Variants in FOCAD observed in about 807,000 individuals in gnomAD.
The protein encoded by FOCAD is focadhesin.
A neutral mutation model predicts 225.6 loss-of-function variants in FOCAD; 198 were observed. That is an observed-to-expected ratio of 0.88 (90% CI 0.78 to 0.99). The LOEUF (loss-of-function observed/expected upper bound fraction) is 0.99. FOCAD is among the 50% of genes least tolerant of loss of function. The pLI is 0.00. For missense variants in FOCAD, 2,713 were observed against 2,123.6 expected (o/e 1.28, Z -5.46); for synonymous variants, 897 against 755.0 (o/e 1.19, Z -3.08).
At chr9:20,957,093 C>T (rs538018332) in intron 35 of FOCAD, among the ~76,000 whole-genome samples, 7 of 152,282 alleles carry the variant, frequency 4.6e-5, no homozygotes, top group African/African-American at 1.7e-4. Context: ...GACAAGGTCT[C>T]GGCTCTATCA....
chr9:20,735,692 G>T (rs1033009165), intron 4 of FOCAD, among the ~76,000 whole-genome samples: 4 of 141,390 alleles, frequency 2.8e-5, no homozygotes, highest in East Asian at 4.1e-4. Flanking sequence ...ATTTTTTAAG[G>T]TTTTTTTTTT....
chr9:20,897,376 G>C (rs998281216), intron 21 of FOCAD, among the ~76,000 whole-genome samples: 6 of 150,506 alleles, frequency 4.0e-5, no homozygotes, highest in African/African-American at 1.5e-4. Context: ...AATGATTATT[G>C]ATATATTTTG....
At chr9:20,956,331 T>G (rs562013029) in intron 35 of FOCAD, among the ~76,000 whole-genome samples, 1 of 152,302 alleles carries the variant, frequency 6.6e-6, no homozygotes, top group African/African-American at 2.4e-5. Context: ...GTATTTTAAT[T>G]TAGAAATAGT....
At chr9:20,890,368 AG>A (rs1407447827) in intron 21 of FOCAD, among the ~76,000 whole-genome samples, 9 of 147,510 alleles carry the variant, frequency 6.1e-5, no homozygotes, top group African/African-American at 2.0e-4. Flanking sequence ...GATTTCTGAG[AG>A]GTTTTTTTTT....
At chr9:20,764,815 T>C in intron 6 of FOCAD, 54 bp from the exon 7 acceptor site, 1 of 1,384,578 alleles carries the variant, frequency 7.2e-7, no homozygotes, top group Non-Finnish European at 1.0e-6. Flanking sequence ...GCCACTTACC[T>C]GCTTGATAGT....
chr9:20,696,635 C>T (rs1823391455), intron 1 of FOCAD, among the ~76,000 whole-genome samples: 1 of 152,102 alleles, frequency 6.6e-6, no homozygotes, highest in South Asian at 2.1e-4. Context: ...AAAACCTCCT[C>T]TCTACTAGAA....
intron 1 of FOCAD, among the ~76,000 whole-genome samples, chr9:20,685,577 CATGAGCTT>C (rs1222310749): frequency 3.3e-5 from 5 of 152,150 alleles, no homozygotes; most frequent in Admixed American, 3.3e-4. Context: ...ATGAAGTAAT[CATGAGCTT>C]TTTAATGTTA....
chr9:20,731,089 A>T (rs1398206035), intron 4 of FOCAD, among the ~76,000 whole-genome samples: 2 of 152,060 alleles, frequency 1.3e-5, no homozygotes, highest in African/African-American at 4.8e-5. Flanking sequence ...TACAAAAAAA[A>T]TTAGCTGGGC....
chr9:20,897,462 T>C (rs1832189486), intron 21 of FOCAD, among the ~76,000 whole-genome samples: 1 of 151,688 alleles, frequency 6.6e-6, no homozygotes, highest in Admixed American at 6.6e-5. Context: ...TTTTGTATTC[T>C]TTTTTTGTCC....
At chr9:20,909,337 A>G (rs4565546) in intron 22 of FOCAD, among the ~76,000 whole-genome samples, 93,880 of 151,882 alleles carry the variant, frequency 0.62, 29,160 homozygotes, top group Admixed American at 0.68. Context: ...CAGGAACCCA[A>G]CAAGCACTAA....
chr9:20,753,364 C>T (rs1828745648), intron 5 of FOCAD, among the ~76,000 whole-genome samples: 1 of 151,634 alleles, frequency 6.6e-6, no homozygotes, highest in African/African-American at 2.4e-5. Flanking sequence ...GAGTTTTTAG[C>T]ATGAAGGGTT....
At chr9:20,836,362 T>C (rs1242395542) in intron 15 of FOCAD, among the ~76,000 whole-genome samples, 1 of 152,112 alleles carries the variant, frequency 6.6e-6, no homozygotes, top group Non-Finnish European at 1.5e-5. Context: ...GGAACCTCTT[T>C]TGTTGTTCTT....
At chr9:20,767,363 T>C (rs1007834929) in intron 7 of FOCAD, among the ~76,000 whole-genome samples, 1 of 134,220 alleles carries the variant, frequency 7.5e-6, no homozygotes, top group African/African-American at 2.7e-5. Flanking sequence ...CTGGGTCAAA[T>C]GGTATTTCTA....
chr9:20,696,393 A>T (rs1311371571), intron 1 of FOCAD, among the ~76,000 whole-genome samples: 3 of 152,198 alleles, frequency 2.0e-5, no homozygotes, highest in African/African-American at 7.2e-5. Context: ...TGTGGAAATC[A>T]TTTCACACTG....
chr9:20,866,917 T>TTTTTTTAA lies in FOCAD; in HGVS notation c.2107-12_2107-11insTTTTTTAA. The TTTTTTTAA allele has an allele frequency of 7.8e-6, 6 of 764,970 alleles. No individual in the cohort carries two copies. Among genetic ancestry groups the TTTTTTTAA allele is most frequent in the African/African-American group, 2.0e-5 (1 of 48,872 alleles). 47.4% of individuals were successfully genotyped at this position (764,970 alleles called of 1,614,324 possible). On this transcript the variant is annotated splice_polypyrimidine_tract_variant and intron_variant, in intron 17 of 43. Coordinates refer to ENST00000338382, the MANE Select transcript of FOCAD (RefSeq NM_001375567.1). ...TTTTTTTTTTTTTTTTTTTTTTTTT[T>TTTTTTTAA]ACCCTATCTAGGACCCAATTGTAGC...
At chr9:20,932,231 C>T (rs1394562015) in intron 27 of FOCAD, among the ~76,000 whole-genome samples, 1 of 152,116 alleles carries the variant, frequency 6.6e-6, no homozygotes, top group African/African-American at 2.4e-5. Context: ...TCACCTTGGG[C>T]AAAACTGCTA....
chr9:20,930,528 T>C (rs1242625820), intron 27 of FOCAD, among the ~76,000 whole-genome samples: 2 of 152,210 alleles, frequency 1.3e-5, no homozygotes, highest in Non-Finnish European at 2.9e-5. Flanking sequence ...AGGCAAGAAC[T>C]GGTGTTGGTG....
At position 20,881,929 on chromosome 9, in the gene FOCAD, G is replaced by A; in HGVS notation, c.2376G>A (p.Gly792=). 1 of 1,613,816 alleles carries A rather than the reference G, an allele frequency of 6.2e-7. No homozygotes were observed. Among genetic ancestry groups the A allele is most frequent in the Non-Finnish European group, 8.5e-7 (1 of 1,179,848 alleles). The change falls in exon 20 of 44, where the codon GGG becomes GGA. Residue 792 remains glycine (G), a synonymous_variant. Coordinates refer to ENST00000338382, the MANE Select transcript of FOCAD (RefSeq NM_001375567.1). The part of the protein sequence containing the change: ...VKQEMVNMPR[G]IYHSALKGGA... ...AAGAAATGGTGAATATGCCTCGTGGGATATATCACTCTGCATTAAAAGGAG... is the reference window on the plus strand; with the variant it reads ...AAGAAATGGTGAATATGCCTCGTGGAATATATCACTCTGCATTAAAAGGAG...
intron 11 of FOCAD, among the ~76,000 whole-genome samples, chr9:20,791,148 A>G (rs1820484762): frequency 6.6e-6 from 1 of 152,048 alleles, no homozygotes; most frequent in Middle Eastern, 3.2e-3. Context: ...CCTTGAAGTT[A>G]TACAGTGGGT....
Sources: gnomAD v4.1 joint callset for allele counts (sites outside exome capture counted in the v4.1 genomes callset) on GRCh38, gnomAD v4.1.1 for gene constraint, MANE v1.5 for transcripts, NCBI Gene and HGNC (gene_info 2026-07-23, HGNC 2026-07-21) for gene names.